Variants in NCAPD3 observed in about 807,000 individuals in gnomAD.
NCAPD3 encodes the protein condensin-2 complex subunit D3.
NCAPD3 carries 105 observed loss-of-function variants against 182.9 expected under a neutral mutation model. The ratio of observed to expected loss-of-function variants is 0.57; its 90% CI spans 0.49 to 0.68. The LOEUF (loss-of-function observed/expected upper bound fraction) is 0.68. Ranked by LOEUF, NCAPD3 falls within the 30% of genes least tolerant of loss-of-function variation. The pLI is 0.00. For missense variants in NCAPD3, 1,944 were observed against 1,837.0 expected, an observed-to-expected ratio of 1.06 and a Z score of -1.07; for synonymous variants, 815 against 679.9, an observed-to-expected ratio of 1.20 and a Z score of -3.09.
rs933611068 is a variant in NCAPD3, at chr11:134,151,809, G to T, written c.*1135C>A. On this transcript the variant is annotated 3_prime_UTR_variant, in exon 35 of 35. Transcript: ENST00000534548. ...ACGTTGGGTTTGTCTCTTCTTCCTA[G>T]CATTTCAGTGGTTAGGCATGCACAC... 6 of 152,030 alleles carry T rather than the reference G, an allele frequency of 3.9e-5. No individual in the cohort carries two copies. In the East Asian group the frequency reaches 1.2e-3, roughly 30 times the overall value. 9.4% of individuals were successfully genotyped at this position (152,030 alleles called of 1,614,324 possible).
At chr11:134,177,114 T>C (rs997862904) in intron 23 of NCAPD3, 105 bp downstream of exon 23, 2 of 858,016 alleles carry the variant, frequency 2.3e-6, no homozygotes, top group Middle Eastern at 3.0e-4. Flanking sequence ...ACAATTATTT[T>C]TGGATTCTAC....
At chr11:134,186,981 T>C (rs10791348) in intron 16 of NCAPD3, among the ~76,000 whole-genome samples, 41,964 of 152,028 alleles carry the variant, frequency 0.28, 6,180 homozygotes, top group African/African-American at 0.38. Flanking sequence ...TATAAAATAT[T>C]AAGTAATGTT....
At chr11:134,164,028 T>C (rs568293687) in intron 27 of NCAPD3, among the ~76,000 whole-genome samples, 3 of 151,910 alleles carry the variant, frequency 2.0e-5, no homozygotes, top group Admixed American at 6.6e-5. Flanking sequence ...GAGAGATAGA[T>C]TGGTAAGAGA....
Position 134,217,571 on chromosome 11 carries a change from G to A in NCAPD3, c.220-473C>T, listed in dbSNP as rs150376607. On this transcript the variant is annotated intron_variant, in intron 2 of 34. Transcript: ENST00000534548. The stretch of plus-strand genomic sequence containing the variant: ...GGGAGCAGGAAATGAAAGAGATCTC[G>A]GAAATGGCCCAGGTAAAGGAGATAA... Among the ~76,000 whole-genome samples, 24 of 152,172 alleles carry A rather than the reference G, an allele frequency of 1.6e-4. 1 individual carries two copies. The South Asian group carries it at 2.3e-3, about 14-fold the overall frequency.
chr11:134,153,180 G>C lies in NCAPD3; in HGVS notation c.4348C>G (p.Gln1450Glu). 1 of 1,614,114 alleles carries C rather than the reference G, an allele frequency of 6.2e-7. No individual in the cohort carries two copies. Among genetic ancestry groups the C allele is most frequent in the Non-Finnish European group, 8.5e-7 (1 of 1,179,996 alleles). ...SAKEKIEGRS[Q>E]GNDILCLSLP... ...GATAAACATAAGATGTCATTTCCTT[G>C]ACTCCGGCCTTCAATTTTCTCTAAA... The change falls in exon 34 of 35, where the codon CAA (glutamine) becomes GAA (glutamate). Residue 1450 changes from glutamine (Q) to glutamate (E), a missense_variant. By Grantham distance (29) the Gln-to-Glu change is conservative (BLOSUM62 2). Coordinates refer to ENST00000534548, the MANE Select transcript of NCAPD3 (RefSeq NM_015261.3).
intron 3 of NCAPD3, among the ~76,000 whole-genome samples, chr11:134,211,051 G>T (rs951727407): frequency 1.3e-5 from 2 of 152,200 alleles, no homozygotes; most frequent in African/African-American, 4.8e-5. Context: ...TTTCCAAGGA[G>T]CAAGAAGATG....
chr11:134,171,930 C>T (rs537807041), intron 24 of NCAPD3, among the ~76,000 whole-genome samples: 35 of 152,304 alleles, frequency 2.3e-4, no homozygotes, highest in African/African-American at 8.4e-4. Flanking sequence ...CTGCCTTCAC[C>T]CACCAAATGT....
chr11:134,221,884 C>A (rs1044283683), intron 1 of NCAPD3, among the ~76,000 whole-genome samples: 2 of 152,220 alleles, frequency 1.3e-5, no homozygotes, highest in South Asian at 2.1e-4. Flanking sequence ...CTATGCACAG[C>A]ATTCCTTCCA....
At position 134,161,818 on chromosome 11, in the gene NCAPD3, T is replaced by C. The variant is rs1248294857; in HGVS notation, c.3647A>G (p.Lys1216Arg). ...CATGAGTTCCCGCAAAGCTGGGATCTTATTTTTCTCCAGCACAGTCTTCAG... is the reference window on the plus strand; with the variant it reads ...CATGAGTTCCCGCAAAGCTGGGATCCTATTTTTCTCCAGCACAGTCTTCAG... Reference protein sequence around the residue: ...ISLKTVLEKNKIPALRELMHY... With the variant: ...ISLKTVLEKNRIPALRELMHY... Residue 1216 changes from lysine (K) to arginine (R), a missense_variant, in exon 28 of 35, where the codon AAG (lysine) becomes AGG (arginine). Transcript: ENST00000534548. 1.9e-6 allele frequency: 3 copies of C among 1,593,308 alleles called. No individual in the cohort carries two copies. Among genetic ancestry groups the C allele is most frequent in the Non-Finnish European group, 2.6e-6 (3 of 1,164,590 alleles).
At chr11:134,179,724 C>T (rs186385460) in intron 20 of NCAPD3, among the ~76,000 whole-genome samples, 42 of 152,312 alleles carry the variant, frequency 2.8e-4, no homozygotes, top group African/African-American at 9.9e-4. Context: ...AGCTGCCATG[C>T]TGTGTTTCTT....
intron 24 of NCAPD3, among the ~76,000 whole-genome samples, chr11:134,173,888 G>C (rs564818947): frequency 8.6e-5 from 13 of 151,576 alleles, no homozygotes; most frequent in African/African-American, 1.5e-4. Context: ...TTGAACCAGG[G>C]AGTCGGAGGC....
rs1938350230 is a variant in NCAPD3 at position 134,223,952 on chromosome 11, G to A, written c.-26C>T. On this transcript the variant is annotated 5_prime_UTR_variant, in exon 1 of 35. Transcript: ENST00000534548. Reference sequence around the variant, plus strand: ...GATCCCAGGGCACCGGCTCGCCGCCGCCGTGCTCAACTTTCAAAGCTCGCT... The same window carrying A: ...GATCCCAGGGCACCGGCTCGCCGCCACCGTGCTCAACTTTCAAAGCTCGCT... 3 of 1,608,394 alleles carry A rather than the reference G, an allele frequency of 1.9e-6. No individual in the cohort carries two copies. Among genetic ancestry groups the A allele is most frequent in the East Asian group, 2.2e-5 (1 of 44,650 alleles).
At chr11:134,188,491 C>T (rs571669412) in intron 16 of NCAPD3, among the ~76,000 whole-genome samples, 3 of 151,438 alleles carry the variant, frequency 2.0e-5, no homozygotes, top group African/African-American at 7.4e-5. Flanking sequence ...CTTACTGCTG[C>T]TCACTCTTTG....
chr11:134,221,740 C>T (rs1938236791), intron 1 of NCAPD3, among the ~76,000 whole-genome samples: 1 of 152,184 alleles, frequency 6.6e-6, no homozygotes. Context: ...GAGATGGGAG[C>T]ATTACACTGC....
chr11:134,174,666 G>T (rs1246122944), intron 24 of NCAPD3, among the ~76,000 whole-genome samples: 1 of 152,022 alleles, frequency 6.6e-6, no homozygotes, highest in Non-Finnish European at 1.5e-5. Flanking sequence ...ATGCTCAACA[G>T]CACTGTAGGT....
At chr11:134,194,576 T>C (rs1944587555) in intron 14 of NCAPD3, 89 bp downstream of exon 14, 2 of 864,430 alleles carry the variant, frequency 2.3e-6, no homozygotes, top group Non-Finnish European at 3.5e-6. Context: ...AATTAAGTAA[T>C]GAATATGGCC....
chr11:134,203,519 C>A (rs2136011071), intron 11 of NCAPD3, 135 bp downstream of exon 11: 1 of 1,205,484 alleles, frequency 8.3e-7, no homozygotes, highest in Non-Finnish European at 1.1e-6. Context: ...AGAAAATATA[C>A]TAAAAATGGT....
chr11:134,223,188 C>G (rs1938302330), intron 1 of NCAPD3: 4 of 545,176 alleles, frequency 7.3e-6, no homozygotes, highest in Non-Finnish European at 1.3e-5. Flanking sequence ...GCTGTGTTTT[C>G]AAAAGTCGTT....
chr11:134,217,730 T>C (rs775116983), intron 2 of NCAPD3, among the ~76,000 whole-genome samples: 3 of 152,144 alleles, frequency 2.0e-5, no homozygotes, highest in African/African-American at 7.2e-5. Context: ...TATCCTTGAG[T>C]ATCGTAACAA....
Sources: gnomAD v4.1 joint callset for allele counts (sites outside exome capture counted in the v4.1 genomes callset) on GRCh38, gnomAD v4.1.1 for gene constraint, MANE v1.5 for transcripts, NCBI Gene and HGNC (gene_info 2026-07-23, HGNC 2026-07-21) for gene names.